The following TMEM164 variants were observed in gnomAD, a reference collection of about 807,000 sequenced individuals.
TMEM164 encodes the protein transmembrane protein 164.
Under a neutral mutation model 18.8 loss-of-function variants are expected in TMEM164, and 4 were observed. The observed-to-expected ratio is 0.21, with a 90% CI of 0.10 to 0.49. The LOEUF (loss-of-function observed/expected upper bound fraction) is 0.49, where lower values mean the gene tolerates loss of function less well. Among genes scored for constraint, TMEM164 ranks in the 20% least tolerant of loss-of-function variants. TMEM164 has a pLI of 0.98. For missense variants in TMEM164, 108 were observed against 239.9 expected, an observed-to-expected ratio of 0.45 and a Z score of 3.63; for synonymous variants, 86 against 101.7, an observed-to-expected ratio of 0.85 and a Z score of 0.93.
At chrX:110,004,606 C>T (rs1199239945) in intron 2 of TMEM164, among the ~76,000 whole-genome samples, 1 of 110,718 alleles carries the variant, frequency 9.0e-6, no homozygotes, top group Non-Finnish European at 1.9e-5. Context: ...TAAACTTTCT[C>T]ATCTACACTG....
At chrX:110,110,646 A>G (rs1181927991) in intron 4 of TMEM164, among the ~76,000 whole-genome samples, 1 of 112,469 alleles carries the variant, frequency 8.9e-6, no homozygotes, top group Non-Finnish European at 1.9e-5. Context: ...CTTGTTAAAC[A>G]TGAGGCTTGT....
intron 3 of TMEM164, among the ~76,000 whole-genome samples, chrX:110,071,734 A>AAT (rs1177600764): frequency 1.9e-5 from 2 of 106,240 alleles, no homozygotes; most frequent in Non-Finnish European, 3.9e-5. Context: ...AAAAAAAAAA[A>AAT]AAAAATTAAA....
intron 2 of TMEM164, among the ~76,000 whole-genome samples, chrX:110,066,020 G>T (rs984224292): frequency 3.6e-5 from 4 of 111,835 alleles, no homozygotes; most frequent in African/African-American, 1.3e-4. Context: ...AAGGGAAAAG[G>T]CACATTCTTG....
intron 3 of TMEM164, among the ~76,000 whole-genome samples, chrX:110,090,243 AG>A (rs1236775945): frequency 9.1e-6 from 1 of 109,941 alleles, no homozygotes; most frequent in Non-Finnish European, 1.9e-5. Flanking sequence ...AAGCCAGCCA[AG>A]CCCCCCTGTT....
intron 2 of TMEM164, among the ~76,000 whole-genome samples, chrX:110,041,604 G>A (rs1455797897): frequency 9.0e-6 from 1 of 111,686 alleles, no homozygotes; most frequent in East Asian, 2.8e-4. Flanking sequence ...AAAAGTGGGA[G>A]CAACTGAATA....
At chrX:110,050,909 G>A (rs956334445) in intron 2 of TMEM164, among the ~76,000 whole-genome samples, 1 of 112,645 alleles carries the variant, frequency 8.9e-6, no homozygotes, top group East Asian at 2.8e-4. Flanking sequence ...AGTTTGGGAG[G>A]TGGAACAGAA....
chrX:110,078,429 G>T (rs1427978416), intron 3 of TMEM164, among the ~76,000 whole-genome samples: 1 of 112,269 alleles, frequency 8.9e-6, no homozygotes, highest in African/African-American at 3.2e-5. Flanking sequence ...TTGCCATCCA[G>T]ATTCTGAATT....
At chrX:110,124,176 A>AAGGAAGGAAGGAAGGAAGGAAGGCAGGC in intron 4 of TMEM164, among the ~76,000 whole-genome samples, 1 of 77,167 alleles carries the variant, frequency 1.3e-5, no homozygotes, top group East Asian at 4.7e-4. Flanking sequence ...GGAAGGAAGG[A>AAGGAAGGAAGGAAGGAAGGAAGGCAGGC]AGGCAGGAAG....
rs185424435 is a variant in TMEM164 at position 110,104,718 on chromosome X, G to A, written c.441-4362G>A. Among the ~76,000 whole-genome samples, 977 of 111,737 alleles carry A rather than the reference G, an allele frequency of 8.7e-3. 8 individuals are homozygous for A. The highest frequency in any genetic ancestry group is 0.028 in the African/African-American group (860 of 30,775). On this transcript the variant is annotated intron_variant, in intron 3 of 6. Transcript: ENST00000372068. ...TCTTAATATTTTCTCTTCTCTGTAA[G>A]AATACAATATATAATACATATAACA...
At chrX:110,154,490 G>A (rs2066988848) in intron 5 of TMEM164, among the ~76,000 whole-genome samples, 1 of 110,705 alleles carries the variant, frequency 9.0e-6, no homozygotes, top group African/African-American at 3.3e-5. Flanking sequence ...CCTGATCTTG[G>A]CTCACTGCAA....
intron 3 of TMEM164, among the ~76,000 whole-genome samples, chrX:110,108,395 A>G (rs982553496): frequency 7.2e-5 from 8 of 111,203 alleles, no homozygotes; most frequent in Non-Finnish European, 1.3e-4. Flanking sequence ...TATTTTAACA[A>G]GTCTGGCATT....
chrX:110,151,526 A>T (rs1015045422), intron 5 of TMEM164, among the ~76,000 whole-genome samples: 1 of 112,131 alleles, frequency 8.9e-6, no homozygotes, highest in African/African-American at 3.2e-5. Flanking sequence ...CAAGCCTGTA[A>T]TCCCAGCACT....
chrX:110,096,705 C>T (rs1316226314), intron 3 of TMEM164, among the ~76,000 whole-genome samples: 2 of 112,199 alleles, frequency 1.8e-5, no homozygotes, highest in South Asian at 7.4e-4. Context: ...CAACAATCCC[C>T]AGTGAGATGA....
rs567043723 is a variant in TMEM164, at chrX:110,136,061, T to C, written c.508-8737T>C. 7.1e-5 allele frequency among the ~76,000 whole-genome samples: 8 copies of C among 112,340 alleles called. No individual in the cohort carries two copies. In the South Asian group the frequency reaches 2.6e-3, roughly 36 times the overall value. On this transcript the variant is annotated intron_variant, in intron 4 of 6. Transcript: ENST00000372068. The stretch of plus-strand genomic sequence containing the variant: ...AAGTTTCAAGTATTGCTTTTGATTA[T>C]TCCATCTCTTTACTGGTTTTCATTT...
chrX:110,040,501 G>A (rs779018313), intron 2 of TMEM164, among the ~76,000 whole-genome samples: 1 of 111,810 alleles, frequency 8.9e-6, no homozygotes, highest in Non-Finnish European at 1.9e-5. Context: ...TCAGCATACC[G>A]GTTCCCAGCA....
chrX:110,058,162 G>A (rs867101323), intron 2 of TMEM164, among the ~76,000 whole-genome samples: 2 of 111,042 alleles, frequency 1.8e-5, no homozygotes, highest in African/African-American at 3.3e-5. Flanking sequence ...ATTACTTTGC[G>A]TGTGGATATC....
intron 5 of TMEM164, among the ~76,000 whole-genome samples, chrX:110,150,677 A>T (rs2066926466): frequency 8.9e-6 from 1 of 112,353 alleles, no homozygotes; most frequent in Non-Finnish European, 1.9e-5. Context: ...AGTAAATTTT[A>T]AAAATATTTT....
chrX:110,011,218 T>C (rs751652189), intron 2 of TMEM164, among the ~76,000 whole-genome samples: 2 of 112,442 alleles, frequency 1.8e-5, no homozygotes, highest in South Asian at 7.3e-4. Context: ...AGCCTTTGCC[T>C]TCATTTTGTT....
rs150168431 is a variant in TMEM164, at chrX:110,011,775, G to A, written c.390+7611G>A. Among the ~76,000 whole-genome samples, 9 of 112,266 alleles carry A rather than the reference G, an allele frequency of 8.0e-5. No individual in the cohort carries two copies. In the East Asian group the frequency reaches 2.5e-3, roughly 31 times the overall value. ...CTGCATTTATAAGAAACTCCCAGAT[G>A]ATTCTAATGCCTGTGAGCCTTTGAC... On this transcript the variant is annotated intron_variant, in intron 2 of 6. Coordinates refer to ENST00000372068, the MANE Select transcript of TMEM164 (RefSeq NM_032227.4).
Sources: allele counts gnomAD v4.1 joint callset (sites outside exome capture counted in the v4.1 genomes callset), GRCh38; gene constraint gnomAD v4.1.1; transcripts MANE v1.5; gene names NCBI Gene and HGNC (gene_info 2026-07-23, HGNC 2026-07-21).